Variants in MAP3K4 observed in about 807,000 individuals in gnomAD.
MAP3K4 encodes MAP three kinase 1.
In MAP3K4, 67 loss-of-function variants were observed where a neutral mutation model predicts 185.6. The observed-to-expected ratio is 0.36, with a 90% CI of 0.30 to 0.44. The LOEUF is 0.44. Among genes scored for constraint, MAP3K4 ranks in the 20% least tolerant of loss-of-function variants. The pLI is 1.00. For missense variants in MAP3K4, 1,551 were observed against 1,995.1 expected, an observed-to-expected ratio of 0.78 and a Z score of 4.24; for synonymous variants, 702 against 710.4, an observed-to-expected ratio of 0.99 and a Z score of 0.19.
chr6:161,068,233 G>C (rs1042815033), intron 3 of MAP3K4, among the ~76,000 whole-genome samples: 8 of 152,168 alleles, frequency 5.3e-5, no homozygotes, highest in Non-Finnish European at 1.2e-4. Context: ...AACAGAGGAA[G>C]CATTTGCAAG....
At position 161,076,007 on chromosome 6, in the gene MAP3K4, A is replaced by T. The variant is rs1219749425; in HGVS notation, c.2097+2395A>T. Among the ~76,000 whole-genome samples the T allele has an allele frequency of 6.6e-6, 1 of 152,138 alleles. No homozygotes were observed. The highest frequency in any genetic ancestry group is 2.4e-5 in the African/African-American group (1 of 41,414). ...TTATGTTTAACACCCTTGTCTGGAAACCCACCGAAAACAGCAAATGGAAAA... is the reference window on the plus strand; with the variant it reads ...TTATGTTTAACACCCTTGTCTGGAATCCCACCGAAAACAGCAAATGGAAAA... On this transcript the variant is annotated intron_variant, in intron 5 of 26. Transcript: ENST00000392142. The surrounding 1 kb of genome is among the most constrained non-coding windows in gnomAD (Gnocchi z 4.2).
chr6:161,019,117 T>A (rs1052663191), intron 1 of MAP3K4, among the ~76,000 whole-genome samples: 2 of 152,250 alleles, frequency 1.3e-5, no homozygotes, highest in African/African-American at 4.8e-5. Context: ...ACCGAAAAAA[T>A]TTTTTTAAGA....
intron 3 of MAP3K4, among the ~76,000 whole-genome samples, chr6:161,052,954 C>T (rs922670230): frequency 1.3e-5 from 2 of 152,260 alleles, no homozygotes; most frequent in East Asian, 3.9e-4. Context: ...TATAATACTA[C>T]CTTCTTACCT....
chr6:161,072,918 T>G (rs1222632403), intron 4 of MAP3K4, among the ~76,000 whole-genome samples: 1 of 152,212 alleles, frequency 6.6e-6, no homozygotes, highest in Non-Finnish European at 1.5e-5. Flanking sequence ...CTGTTGATTT[T>G]TATCTAATTC....
intron 2 of MAP3K4, among the ~76,000 whole-genome samples, chr6:161,040,011 G>A (rs1783377082): frequency 6.6e-6 from 1 of 152,124 alleles, no homozygotes; most frequent in Non-Finnish European, 1.5e-5. Context: ...CCTAGTGGTG[G>A]AATTGCTGTA....
Position 161,098,322 on chromosome 6 carries a change from CT to C in MAP3K4, c.3570del (p.Ala1191LeufsTer48). 1 of 162,644 alleles carries C rather than the reference CT, an allele frequency of 6.1e-6. No individual in the cohort carries two copies. The highest frequency in any genetic ancestry group is 8.3e-6 in the Non-Finnish European group (1 of 119,952). 10.1% of individuals were successfully genotyped at this position (162,644 alleles called of 1,614,324 possible). A position where few individuals can be genotyped will look rare whatever the true frequency, so the allele number is the denominator to read the frequency against. ...PSDARSHGSP[A>X]AAAAAAAAAV... ...GACGCGCGGAGCCATGGCAGCCCTG[CT>C]GCTGCTGCTGCTGCTGCTGCTGCTG... On this transcript the variant is annotated frameshift_variant, in exon 17 of 27. Transcript: ENST00000392142. LOFTEE classifies it high-confidence loss of function. The surrounding 1 kb of genome is among the most constrained non-coding windows in gnomAD (Gnocchi z 4.4).
rs757613133 is a variant in MAP3K4 at position 161,087,777 on chromosome 6, A to C, written c.2646A>C (p.Ala882=). 6.6e-5 allele frequency: 107 copies of C among 1,614,064 alleles called. No homozygotes were observed. The highest frequency in any genetic ancestry group is 9.0e-5 in the Non-Finnish European group (106 of 1,180,014). Residue 882 remains alanine (A), a synonymous_variant, in exon 10 of 27, where the codon GCA becomes GCC. Coordinates refer to ENST00000392142, the MANE Select transcript of MAP3K4 (RefSeq NM_005922.4). The surrounding 1 kb of genome is among the most constrained non-coding windows in gnomAD (Gnocchi z 4.9). ...GTATTATTTTGCAGTTACTCAATGC[A>C]GCTGCAGGAAAGGACTGTTCAAAAG... ...EKSIILQLLN[A]AAGKDCSKDS...
In MAP3K4 at chr6:161,053,604, G is replaced by A. The variant is rs1784100852; in HGVS notation, c.1707+3625G>A. Among the ~76,000 whole-genome samples the A allele has an allele frequency of 6.6e-6, 1 of 152,102 alleles. No individual in the cohort carries two copies. The highest frequency in any genetic ancestry group is 6.5e-5 in the Admixed American group (1 of 15,268). ...TGAGGACTTTTTTGTTTGTTTGTTT[G>A]TTTTTGAGACAAAGTCTCATTCTGT... On this transcript the variant is annotated intron_variant, in intron 3 of 26. Transcript: ENST00000392142. This position sits in a 1 kb window ranked among gnomAD's most constrained non-coding sequence, Gnocchi z 4.2.
At position 161,088,179 on chromosome 6, in the gene MAP3K4, A is replaced by G. The variant is rs182728950; in HGVS notation, c.2823+225A>G. ...CTGGAATACTTGAAATAAACCATCT[A>G]TCTGGTTTATATCTTTTCTTAGTTC... On this transcript the variant is annotated intron_variant, in intron 10 of 26. Coordinates refer to ENST00000392142, the MANE Select transcript of MAP3K4 (RefSeq NM_005922.4). This position sits in a 1 kb window ranked among gnomAD's most constrained non-coding sequence, Gnocchi z 4.5. 4.6e-5 allele frequency among the ~76,000 whole-genome samples: 7 copies of G among 152,122 alleles called. No individual in the cohort carries two copies. Among genetic ancestry groups the G allele is most frequent in the South Asian group, 4.1e-4 (2 of 4,826 alleles).
intron 3 of MAP3K4, among the ~76,000 whole-genome samples, chr6:161,057,486 G>A (rs1241786760): frequency 6.6e-6 from 1 of 152,152 alleles, no homozygotes; most frequent in Non-Finnish European, 1.5e-5. Flanking sequence ...TCGAAACCTG[G>A]CTGCACCTCA....
chr6:161,089,551 A>G, intron 11 of MAP3K4, 80 bp downstream of exon 11: 1 of 1,482,978 alleles, frequency 6.7e-7, no homozygotes, highest in East Asian at 2.3e-5. Context: ...GTAAGGTAAT[A>G]TCATCCAAGG....
At position 161,098,512 on chromosome 6, in the gene MAP3K4, G is replaced by A; in HGVS notation, c.3674+85G>A. 1 of 1,467,834 alleles carries A rather than the reference G, an allele frequency of 6.8e-7. No individual in the cohort carries two copies. The highest frequency in any genetic ancestry group is 9.1e-7 in the Non-Finnish European group (1 of 1,099,492). 90.9% of individuals were successfully genotyped at this position (1,467,834 alleles called of 1,614,324 possible). On this transcript the variant is annotated intron_variant, in intron 17 of 26. Transcript: ENST00000392142. The surrounding 1 kb of genome is among the most constrained non-coding windows in gnomAD (Gnocchi z 4.4). ...AACCATAGTGTTAGGGTGTGTGCCG[G>A]CTGTGGTTGGGCTTCTTTGCTGTGG...
At chr6:160,992,128 G>A in intron 1 of MAP3K4, 45 bp downstream of exon 1, 1 of 1,486,024 alleles carries the variant, frequency 6.7e-7, no homozygotes, top group Middle Eastern at 1.8e-4. Context: ...AAGCGGGGCG[G>A]GTCCTGGCCC....
intron 1 of MAP3K4, among the ~76,000 whole-genome samples, chr6:161,018,376 G>C (rs9458094): frequency 0.027 from 4,118 of 152,316 alleles, 123 homozygotes; most frequent in African/African-American, 0.072. Context: ...CCCACACAGG[G>C]CTGGGAGGCA....
intron 1 of MAP3K4, among the ~76,000 whole-genome samples, chr6:161,011,614 A>G (rs1362182024): frequency 2.0e-5 from 3 of 152,220 alleles, no homozygotes; most frequent in African/African-American, 4.8e-5. Flanking sequence ...TGAAAGTTCA[A>G]CGCCAGAACT....
Position 161,108,933 on chromosome 6 carries a change from C to T in MAP3K4, c.4236+74C>T. On this transcript the variant is annotated intron_variant, in intron 22 of 26. Coordinates refer to ENST00000392142, the MANE Select transcript of MAP3K4 (RefSeq NM_005922.4). The surrounding 1 kb of genome is among the most constrained non-coding windows in gnomAD (Gnocchi z 5.7). ...CAGAATGGAGTCCTGTTCTACATCA[C>T]AGGTCTTCTCATTTCAGAGCACAGT... The T allele has an allele frequency of 6.2e-7, 1 of 1,602,098 alleles. No homozygotes were observed. The highest frequency in any genetic ancestry group is 8.6e-7 in the Non-Finnish European group (1 of 1,169,294).
chr6:161,066,035 C>T (rs1784698146), intron 3 of MAP3K4, among the ~76,000 whole-genome samples: 1 of 151,570 alleles, frequency 6.6e-6, no homozygotes, highest in African/African-American at 2.4e-5. Flanking sequence ...GATTTTGGAG[C>T]ATTTCAGATT....
chr6:161,062,843 G>T (rs1784541342), intron 3 of MAP3K4, among the ~76,000 whole-genome samples: 1 of 152,034 alleles, frequency 6.6e-6, no homozygotes, highest in South Asian at 2.1e-4. Context: ...CAGATACATG[G>T]TGTACACTTT....
chr6:161,090,774 G>A (rs1280353457), intron 11 of MAP3K4, among the ~76,000 whole-genome samples: 2 of 99,612 alleles, frequency 2.0e-5, no homozygotes, highest in Non-Finnish European at 4.9e-5. Context: ...GGATGTGGAC[G>A]TTTGGGCCCG....
Sources: allele counts gnomAD v4.1 joint callset (sites outside exome capture counted in the v4.1 genomes callset), GRCh38; gene constraint gnomAD v4.1.1; non-coding constraint Gnocchi (gnomAD v3.1); transcripts MANE v1.5; gene names NCBI Gene and HGNC (gene_info 2026-07-23, HGNC 2026-07-21).